Variants in PDE1C observed in about 807,000 individuals in gnomAD.
PDE1C encodes the protein phosphodiesterase 1C.
In PDE1C, 62 loss-of-function variants were observed where a neutral mutation model predicts 93.1. That is an observed-to-expected ratio of 0.67 (90% CI 0.54 to 0.82). PDE1C has a LOEUF of 0.82. PDE1C is among the 40% of genes least tolerant of loss of function. PDE1C has a pLI of 0.00. For synonymous variants in PDE1C, 325 were observed against 310.1 expected (o/e 1.05, Z -0.50); for missense variants, 742 against 884.6 (o/e 0.84, Z 2.04).
At chr7:32,027,530 C>T (rs1160981591) in intron 2 of PDE1C, among the ~76,000 whole-genome samples, 2 of 129,362 alleles carry the variant, frequency 1.5e-5, no homozygotes, top group African/African-American at 5.8e-5. Context: ...CATAAGATTC[C>T]AAATTCACCA....
chr7:32,229,079 T>C (rs1049981991), intron 1 of PDE1C, among the ~76,000 whole-genome samples: 1 of 152,122 alleles, frequency 6.6e-6, no homozygotes, highest in Non-Finnish European at 1.5e-5. Context: ...TGCTGCTGTT[T>C]TGTAAGGGAG....
chr7:31,808,029 C>T (rs924477584), intron 16 of PDE1C, among the ~76,000 whole-genome samples: 6 of 151,740 alleles, frequency 4.0e-5, no homozygotes, highest in East Asian at 1.9e-4. Flanking sequence ...AGTTTGAGAA[C>T]GGTTTTCATG....
intron 2 of PDE1C, among the ~76,000 whole-genome samples, chr7:31,893,665 G>GA (rs746606003): frequency 4.6e-5 from 7 of 150,550 alleles, no homozygotes; most frequent in South Asian, 2.1e-4. Flanking sequence ...TAGCTATTTA[G>GA]AAAAAAAAAT....
intron 3 of PDE1C, among the ~76,000 whole-genome samples, chr7:32,112,632 T>C (rs933799039): frequency 1.3e-5 from 2 of 151,480 alleles, no homozygotes; most frequent in African/African-American, 4.9e-5. Context: ...GCTTTTTTTT[T>C]TTTTTAGAGA....
chr7:32,211,195 G>A (rs1407950417), intron 1 of PDE1C, among the ~76,000 whole-genome samples: 4 of 152,004 alleles, frequency 2.6e-5, no homozygotes, highest in African/African-American at 9.7e-5. Context: ...GGAGACAAAA[G>A]CGAAACTCTA....
intron 1 of PDE1C, among the ~76,000 whole-genome samples, chr7:32,239,156 C>G (rs1808361999): frequency 6.6e-6 from 1 of 152,042 alleles, no homozygotes; most frequent in Admixed American, 6.5e-5. Context: ...GTGCTCAGCT[C>G]AGGAGTTGAG....
intron 1 of PDE1C, among the ~76,000 whole-genome samples, chr7:32,052,531 A>G (rs571407906): frequency 1.5e-4 from 23 of 152,340 alleles, no homozygotes; most frequent in African/African-American, 5.0e-4. Context: ...TAAGGAAAGA[A>G]AATCCATCTC....
At chr7:31,831,533 G>A (rs545055051) in intron 11 of PDE1C, among the ~76,000 whole-genome samples, 22 of 151,230 alleles carry the variant, frequency 1.5e-4, no homozygotes, top group Non-Finnish European at 2.5e-4. Context: ...CATACACACC[G>A]CTTCATAGGA....
At chr7:32,056,320 TTCTCTC>T (rs10648394) in intron 1 of PDE1C, among the ~76,000 whole-genome samples, 2,008 of 111,054 alleles carry the variant, frequency 0.018, 31 homozygotes, top group African/African-American at 0.038. Flanking sequence ...GGGTCCACCG[TTCTCTC>T]TCTCTCTCTC....
intron 2 of PDE1C, among the ~76,000 whole-genome samples, chr7:31,920,184 C>T (rs1278900662): frequency 6.6e-6 from 1 of 152,170 alleles, no homozygotes; most frequent in Non-Finnish European, 1.5e-5. Context: ...CCCTGCTTCC[C>T]TTTAACTCCC....
At chr7:32,189,933 ACTT>A (rs1804126244) in intron 2 of PDE1C, among the ~76,000 whole-genome samples, 1 of 152,180 alleles carries the variant, frequency 6.6e-6, no homozygotes, top group Non-Finnish European at 1.5e-5. Context: ...TTTTGTATCT[ACTT>A]CTAAGATGTC....
chr7:31,622,268 A>G, the PDE1C span, among the ~76,000 whole-genome samples: 2 of 136,568 alleles, frequency 1.5e-5, no homozygotes, highest in East Asian at 4.7e-4. Flanking sequence ...ATAGGCATCT[A>G]CAGAACTCTC....
At chr7:32,147,131 A>C (rs572879926) in intron 3 of PDE1C, among the ~76,000 whole-genome samples, 3 of 152,180 alleles carry the variant, frequency 2.0e-5, no homozygotes, top group African/African-American at 7.2e-5. Flanking sequence ...AAGTAAATCA[A>C]TCAGCATACG....
intron 3 of PDE1C, among the ~76,000 whole-genome samples, chr7:32,091,546 G>A (rs1797468872): frequency 6.6e-6 from 1 of 152,158 alleles, no homozygotes; most frequent in Admixed American, 6.5e-5. Flanking sequence ...TCAGGAAGGG[G>A]CAACAGCCGG....
At chr7:32,254,355 C>T (rs1809629249) in intron 1 of PDE1C, among the ~76,000 whole-genome samples, 1 of 152,170 alleles carries the variant, frequency 6.6e-6, no homozygotes, top group Admixed American at 6.5e-5. Context: ...GTCCAGGAAA[C>T]AAGTCCCCTG....
chr7:32,409,087 G>A (rs974082653), intron 1 of PDE1C, among the ~76,000 whole-genome samples: 2 of 152,168 alleles, frequency 1.3e-5, no homozygotes, highest in Non-Finnish European at 2.9e-5. Context: ...AAAAGGAAAG[G>A]CCAGGCATAG....
chr7:31,774,942 CCCAAACAGATGTGCTTTT>C (rs1466504541), intron 17 of PDE1C, among the ~76,000 whole-genome samples: 3 of 151,744 alleles, frequency 2.0e-5, no homozygotes, highest in Non-Finnish European at 4.4e-5. Flanking sequence ...CTTTCCTTGC[CCCAAACAGATGTGCTTTT>C]CCAAATTCTG....
At chr7:32,233,194 G>C (rs1807828849) in intron 1 of PDE1C, among the ~76,000 whole-genome samples, 1 of 152,094 alleles carries the variant, frequency 6.6e-6, no homozygotes, top group Admixed American at 6.6e-5. Flanking sequence ...TCTCAATGGA[G>C]TGAAACATTA....
chr7:31,795,938 G>A (rs893709783), intron 16 of PDE1C, among the ~76,000 whole-genome samples: 1 of 151,482 alleles, frequency 6.6e-6, no homozygotes, highest in African/African-American at 2.4e-5. Flanking sequence ...TGACAATGAA[G>A]TATCTAAATC....
Sources: allele counts gnomAD v4.1 joint callset (sites outside exome capture counted in the v4.1 genomes callset), GRCh38; gene constraint gnomAD v4.1.1; transcripts MANE v1.5; gene names NCBI Gene and HGNC (gene_info 2026-07-23, HGNC 2026-07-21).